Variants in KDM4C observed in about 807,000 individuals in gnomAD.
The protein encoded by KDM4C is lysine-specific demethylase 4C.
A neutral mutation model predicts 129.3 loss-of-function variants in KDM4C; 81 were observed. The observed-to-expected ratio is 0.63, with a 90% CI of 0.52 to 0.75. The LOEUF is 0.75. KDM4C is among the 30% of genes least tolerant of loss of function. KDM4C has a pLI of 0.00. For synonymous variants in KDM4C, 573 were observed against 456.1 expected (o/e 1.26, Z -3.26); for missense variants, 1,457 against 1,304.0 (o/e 1.12, Z -1.81).
chr9:6,924,486 C>A (rs750156248), intron 8 of KDM4C, among the ~76,000 whole-genome samples: 9 of 152,178 alleles, frequency 5.9e-5, no homozygotes, highest in Non-Finnish European at 1.3e-4. Flanking sequence ...TCCTCTGTTG[C>A]TCTGTCCTTA....
chr9:6,971,775 T>A (rs1337932156), intron 8 of KDM4C, among the ~76,000 whole-genome samples: 2 of 152,194 alleles, frequency 1.3e-5, no homozygotes, highest in African/African-American at 4.8e-5. Flanking sequence ...TTCTACACAA[T>A]GATCAGGTAA....
intron 8 of KDM4C, among the ~76,000 whole-genome samples, chr9:6,970,646 G>A (rs1229207512): frequency 6.6e-6 from 1 of 152,214 alleles, no homozygotes; most frequent in Non-Finnish European, 1.5e-5. Flanking sequence ...TATGGATCAG[G>A]TGTGATAACT....
chr9:7,041,118 A>G (rs966793978), intron 15 of KDM4C, among the ~76,000 whole-genome samples: 1 of 151,280 alleles, frequency 6.6e-6, no homozygotes, highest in Non-Finnish European at 1.5e-5. Flanking sequence ...ATGGGTGGAT[A>G]TGTGGATTCA....
At chr9:7,030,053 A>T (rs568377072) in intron 15 of KDM4C, among the ~76,000 whole-genome samples, 1 of 152,328 alleles carries the variant, frequency 6.6e-6, no homozygotes, top group Non-Finnish European at 1.5e-5. Context: ...TCAAAATTGA[A>T]GGAAGATGTA....
At chr9:7,009,113 G>A (rs1359208152) in intron 12 of KDM4C, among the ~76,000 whole-genome samples, 2 of 152,224 alleles carry the variant, frequency 1.3e-5, no homozygotes, top group Non-Finnish European at 2.9e-5. Context: ...TCAATGAGCT[G>A]CAAGTGAATA....
At chr9:6,850,025 C>G (rs1023168438) in intron 5 of KDM4C, among the ~76,000 whole-genome samples, 2 of 152,126 alleles carry the variant, frequency 1.3e-5, no homozygotes, top group East Asian at 3.8e-4. Context: ...TAAATGAATA[C>G]TTTGTAGCTA....
intron 19 of KDM4C, among the ~76,000 whole-genome samples, chr9:7,131,581 G>A (rs1436357533): frequency 6.6e-6 from 1 of 152,166 alleles, no homozygotes; most frequent in Non-Finnish European, 1.5e-5. Context: ...GCCTCCCAAA[G>A]TGCTGGGATT....
At chr9:6,869,453 C>T (rs1034493072) in intron 5 of KDM4C, among the ~76,000 whole-genome samples, 2 of 152,180 alleles carry the variant, frequency 1.3e-5, no homozygotes, top group African/African-American at 2.4e-5. Flanking sequence ...ACTGTTTTAG[C>T]TTAGATTACT....
chr9:6,853,933 A>C (rs1458709713), intron 5 of KDM4C, among the ~76,000 whole-genome samples: 1 of 152,226 alleles, frequency 6.6e-6, no homozygotes, highest in South Asian at 2.1e-4. Context: ...AGGGATATCT[A>C]GGAGGGTCCA....
intron 8 of KDM4C, among the ~76,000 whole-genome samples, chr9:6,948,997 G>A (rs1393931399): frequency 3.3e-5 from 5 of 152,232 alleles, no homozygotes; most frequent in Non-Finnish European, 7.3e-5. Flanking sequence ...GAGCTGTTGG[G>A]TACACCTCCC....
At chr9:7,081,985 G>C (rs766604305) in intron 17 of KDM4C, among the ~76,000 whole-genome samples, 9 of 152,112 alleles carry the variant, frequency 5.9e-5, no homozygotes, top group African/African-American at 1.9e-4. Flanking sequence ...TTTGGTGGTC[G>C]ATATCTAGAT....
At chr9:6,934,861 A>G (rs1444800905) in intron 8 of KDM4C, among the ~76,000 whole-genome samples, 1 of 151,402 alleles carries the variant, frequency 6.6e-6, no homozygotes, top group African/African-American at 2.4e-5. Flanking sequence ...AGTTGTTAAT[A>G]TTCAGGATTA....
chr9:6,793,624 C>A (rs761386207), intron 2 of KDM4C, among the ~76,000 whole-genome samples: 5 of 151,118 alleles, frequency 3.3e-5, no homozygotes, highest in Non-Finnish European at 5.9e-5. Context: ...ACTGCAATCT[C>A]CACCTCCCGG....
chr9:7,021,478 A>G (rs1397661522), intron 15 of KDM4C, among the ~76,000 whole-genome samples: 2 of 152,036 alleles, frequency 1.3e-5, no homozygotes, highest in Admixed American at 6.6e-5. Flanking sequence ...AGGAAGTTCA[A>G]TTCAGATCTT....
At chr9:7,076,650 T>A (rs1818640080) in intron 17 of KDM4C, 1 of 1,315,112 alleles carries the variant, frequency 7.6e-7, no homozygotes, top group Admixed American at 3.6e-5. Flanking sequence ...CTTTCCCTTT[T>A]GTATCTGTCA....
In KDM4C at chr9:7,011,909, C is replaced by A. The variant is rs751136735; in HGVS notation, c.1968+30C>A. 8 of 1,570,102 alleles carry A rather than the reference C, an allele frequency of 5.1e-6. No homozygotes were observed. In the East Asian group the frequency reaches 1.1e-4, roughly 22 times the overall value. On this transcript the variant is annotated intron_variant, in intron 13 of 21. Coordinates refer to ENST00000381309, the MANE Select transcript of KDM4C (RefSeq NM_015061.6). Reference sequence around the variant, plus strand: ...AGGAGCCTGCTATCATAGTTCCCTTCACTGCTCTGCCTTCCATGTGACCAC... The same window carrying A: ...AGGAGCCTGCTATCATAGTTCCCTTAACTGCTCTGCCTTCCATGTGACCAC...
At chr9:7,133,751 AG>A (rs1840893528) in intron 19 of KDM4C, among the ~76,000 whole-genome samples, 2 of 152,224 alleles carry the variant, frequency 1.3e-5, no homozygotes, top group Admixed American at 6.5e-5. Context: ...GCCCCGCACA[AG>A]CCCTCGCTTG....
At chr9:6,855,055 C>T (rs1372604943) in intron 5 of KDM4C, among the ~76,000 whole-genome samples, 5 of 152,246 alleles carry the variant, frequency 3.3e-5, no homozygotes, top group Non-Finnish European at 5.9e-5. Context: ...ACACAGTGCT[C>T]AATAGATGTT....
intron 8 of KDM4C, among the ~76,000 whole-genome samples, chr9:6,960,004 G>A (rs1324893564): frequency 1.3e-5 from 2 of 151,948 alleles, no homozygotes; most frequent in African/African-American, 4.8e-5. Flanking sequence ...TCCAGTGAAT[G>A]CTTGTAGATA....
Sources: allele counts gnomAD v4.1 joint callset (sites outside exome capture counted in the v4.1 genomes callset), GRCh38; gene constraint gnomAD v4.1.1; transcripts MANE v1.5; gene names NCBI Gene and HGNC (gene_info 2026-07-23, HGNC 2026-07-21).